GPM6A: variants seen among roughly 807,000 people sequenced by gnomAD.
GPM6A encodes glycoprotein M6A, also known as neuronal membrane glycoprotein M6-a.
A neutral mutation model predicts 32.1 loss-of-function variants in GPM6A; 7 were observed. That is an observed-to-expected ratio of 0.22 (90% CI 0.12 to 0.41). GPM6A has a LOEUF of 0.41. Among genes scored for constraint, GPM6A ranks in the 10% least tolerant of loss-of-function variants. The pLI, the probability that GPM6A is intolerant of heterozygous loss-of-function variation, is 1.00. For synonymous variants in GPM6A, 130 were observed against 123.4 expected (o/e 1.05, Z -0.35); for missense variants, 235 against 347.2 (o/e 0.68, Z 2.57).
intron 1 of GPM6A, among the ~76,000 whole-genome samples, chr4:175,743,193 A>T (rs77213407): frequency 3.8e-5 from 4 of 106,448 alleles, no homozygotes; most frequent in South Asian, 2.3e-4. Context: ...AACACTGATT[A>T]AAAAAAAAAG....
intron 1 of GPM6A, among the ~76,000 whole-genome samples, chr4:175,719,173 T>C (rs1241072713): frequency 2.0e-5 from 3 of 151,546 alleles, no homozygotes; most frequent in Non-Finnish European, 4.4e-5. Context: ...TCATAGTTAC[T>C]ACAACATACC....
intron 2 of GPM6A, among the ~76,000 whole-genome samples, chr4:175,683,000 A>G (rs1274197751): frequency 6.6e-6 from 1 of 152,168 alleles, no homozygotes; most frequent in Non-Finnish European, 1.5e-5. Context: ...AGACCCCAGA[A>G]TAGTGGATCC....
At chr4:175,846,090 T>G (rs1443155143) in intron 1 of GPM6A, among the ~76,000 whole-genome samples, 1 of 152,104 alleles carries the variant, frequency 6.6e-6, no homozygotes, top group Admixed American at 6.6e-5. Context: ...TTTCAAGCCC[T>G]AATGTGTCGT....
intron 1 of GPM6A, among the ~76,000 whole-genome samples, chr4:175,855,661 C>G (rs1736393720): frequency 6.6e-6 from 1 of 152,090 alleles, no homozygotes; most frequent in South Asian, 2.1e-4. Context: ...AAATAGATGA[C>G]AGATGATGCA....
At chr4:175,810,299 G>A (rs1191470554) in intron 1 of GPM6A, among the ~76,000 whole-genome samples, 2 of 152,060 alleles carry the variant, frequency 1.3e-5, no homozygotes, top group Non-Finnish European at 2.9e-5. Context: ...CAAGAGTGAA[G>A]AAAATTACAT....
intron 1 of GPM6A, among the ~76,000 whole-genome samples, chr4:175,915,525 C>T (rs1203565607): frequency 2.6e-5 from 4 of 151,914 alleles, no homozygotes; most frequent in East Asian, 3.9e-4. Context: ...AAGCTGGTCT[C>T]GAACTCCTGA....
chr4:175,872,466 T>C (rs1736942112), intron 1 of GPM6A, among the ~76,000 whole-genome samples: 2 of 152,170 alleles, frequency 1.3e-5, no homozygotes, highest in Non-Finnish European at 2.9e-5. Flanking sequence ...GTATGATGAG[T>C]TGCCATGCAA....
intron 1 of GPM6A, among the ~76,000 whole-genome samples, chr4:175,716,649 AAAC>A (rs761585373): frequency 3.3e-5 from 5 of 152,164 alleles, no homozygotes; most frequent in Non-Finnish European, 5.9e-5. Flanking sequence ...CAAACACACA[AAAC>A]AACAACAGAG....
At chr4:175,941,472 G>A (rs1325143212) in intron 1 of GPM6A, among the ~76,000 whole-genome samples, 1 of 151,904 alleles carries the variant, frequency 6.6e-6, no homozygotes, top group Non-Finnish European at 1.5e-5. Flanking sequence ...CACATGCCAT[G>A]GTGGTTTGCT....
intron 1 of GPM6A, among the ~76,000 whole-genome samples, chr4:175,980,600 G>T (rs1740791473): frequency 6.6e-6 from 1 of 152,140 alleles, no homozygotes; most frequent in South Asian, 2.1e-4. Context: ...AATGAGGATT[G>T]AATTAGTTTG....
At chr4:175,848,532 A>C (rs1242383479) in intron 1 of GPM6A, among the ~76,000 whole-genome samples, 1 of 152,178 alleles carries the variant, frequency 6.6e-6, no homozygotes, top group Non-Finnish European at 1.5e-5. Context: ...GCCTTTAGTA[A>C]TTTACCCGAA....
intron 3 of GPM6A, among the ~76,000 whole-genome samples, chr4:175,672,096 C>T: frequency 6.6e-6 from 1 of 152,222 alleles, no homozygotes. Context: ...GTGCATCTCT[C>T]TCTATATATA....
At position 175,946,780 on chromosome 4, in the gene GPM6A, G is replaced by C. The variant is rs187154911; in HGVS notation, c.-23+55529C>G. ...ATTGGGGCCTGGTAGAGCATTCTGG[G>C]GCTTGGATTTTTAAAATGCCTTTAT... On this transcript the variant is annotated intron_variant, in intron 1 of 7. Coordinates refer to the GPM6A transcript ENST00000280187. 9.9e-5 allele frequency among the ~76,000 whole-genome samples: 15 copies of C among 152,138 alleles called. No individual in the cohort carries two copies. The East Asian group carries it at 2.3e-3, about 24-fold the overall frequency.
intron 1 of GPM6A, among the ~76,000 whole-genome samples, chr4:175,710,839 C>G (rs1265507035): frequency 1.3e-5 from 2 of 152,172 alleles, no homozygotes; most frequent in African/African-American, 4.8e-5. Flanking sequence ...CAGCCTTTCA[C>G]AGAGTCCTTT....
chr4:175,980,834 ATGTT>A (rs562774947), intron 1 of GPM6A, among the ~76,000 whole-genome samples: 272 of 152,256 alleles, frequency 1.8e-3, no homozygotes, highest in Non-Finnish European at 3.0e-3. Flanking sequence ...GTAGGGTTTG[ATGTT>A]TGTTTGTTAG....
chr4:175,642,892 A>T (rs572681044), intron 4 of GPM6A, among the ~76,000 whole-genome samples: 2 of 151,992 alleles, frequency 1.3e-5, no homozygotes, highest in East Asian at 3.9e-4. Context: ...TAAGCATTTT[A>T]AAAAAACTTC....
At chr4:175,853,858 T>A (rs976011449) in intron 1 of GPM6A, among the ~76,000 whole-genome samples, 3 of 152,164 alleles carry the variant, frequency 2.0e-5, no homozygotes, top group South Asian at 2.1e-4. Context: ...TAAACACTCT[T>A]AACTATTTCA....
intron 1 of GPM6A, among the ~76,000 whole-genome samples, chr4:175,716,724 A>C (rs1447793209): frequency 2.6e-5 from 4 of 152,214 alleles, no homozygotes; most frequent in Admixed American, 2.6e-4. Flanking sequence ...GGCAAGCTGA[A>C]GACATTGCCA....
intron 1 of GPM6A, among the ~76,000 whole-genome samples, chr4:175,750,672 A>G (rs925657898): frequency 1.2e-4 from 18 of 152,110 alleles, no homozygotes; most frequent in African/African-American, 4.1e-4. Context: ...TCCCGGGTTC[A>G]AGAGATTCTC....
Sources: gnomAD v4.1 joint callset for allele counts (sites outside exome capture counted in the v4.1 genomes callset) on GRCh38, gnomAD v4.1.1 for gene constraint, MANE v1.5 for transcripts, NCBI Gene and HGNC (gene_info 2026-07-23, HGNC 2026-07-21) for gene names.